CNTN3: variants seen among roughly 807,000 people sequenced by gnomAD.
CNTN3 encodes the protein contactin 3.
Under a neutral mutation model 119.1 loss-of-function variants are expected in CNTN3, and 60 were observed. That is an observed-to-expected ratio of 0.50 (90% CI 0.41 to 0.62). The LOEUF (loss-of-function observed/expected upper bound fraction) is 0.62, where lower values mean the gene tolerates loss of function less well. Among genes scored for constraint, CNTN3 ranks in the 20% least tolerant of loss-of-function variants. The pLI is 0.00. For synonymous variants in CNTN3, 450 were observed against 438.7 expected (o/e 1.03, Z -0.32); for missense variants, 1,101 against 1,242.4 (o/e 0.89, Z 1.71).
chr3:74,525,356 CT>C (rs1470339703), intron 1 of CNTN3, among the ~76,000 whole-genome samples: 2 of 151,764 alleles, frequency 1.3e-5, no homozygotes. Context: ...AATTATGTTG[CT>C]TATTTTTAAT....
At chr3:74,476,111 T>C (rs1347834223) in intron 4 of CNTN3, among the ~76,000 whole-genome samples, 1 of 152,130 alleles carries the variant, frequency 6.6e-6, no homozygotes. Context: ...GTATGAGTTA[T>C]AGTGAGGTTG....
At chr3:74,572,856 G>A (rs1315505572) in intron 1 of CNTN3, among the ~76,000 whole-genome samples, 4 of 152,210 alleles carry the variant, frequency 2.6e-5, no homozygotes, top group African/African-American at 9.6e-5. Flanking sequence ...GTAACTGCCT[G>A]TATTGAAGGA....
At chr3:74,268,017 G>A (rs1367003883) in intron 20 of CNTN3, among the ~76,000 whole-genome samples, 1 of 152,070 alleles carries the variant, frequency 6.6e-6, no homozygotes, top group African/African-American at 2.4e-5. Context: ...ATGAAAAATT[G>A]CAAGAGAGTC....
intron 4 of CNTN3, among the ~76,000 whole-genome samples, chr3:74,434,063 G>C (rs887514875): frequency 1.3e-5 from 2 of 151,990 alleles, no homozygotes; most frequent in African/African-American, 2.4e-5. Context: ...TTAAATTATT[G>C]GTGTCTGCAT....
chr3:74,407,570 G>A (rs1308883707), intron 5 of CNTN3, among the ~76,000 whole-genome samples: 3 of 150,948 alleles, frequency 2.0e-5, no homozygotes, highest in African/African-American at 4.9e-5. Flanking sequence ...ACCGCGCCCG[G>A]CCAAGCCAAA....
In CNTN3 at chr3:74,533,335, A is replaced by C. The variant is rs574285748; in HGVS notation, c.-80-12143T>G. On this transcript the variant is annotated intron_variant, in intron 1 of 22. Coordinates refer to ENST00000263665, the MANE Select transcript of CNTN3 (RefSeq NM_020872.3). ...GCTAAACATACAAGCAAACATGCTC[A>C]AAGCACTCAGACACATTTAGGAGCA... 2.0e-5 allele frequency among the ~76,000 whole-genome samples: 3 copies of C among 152,146 alleles called. 1 individual carries two copies. The South Asian group carries it at 6.2e-4, about 32-fold the overall frequency.
At chr3:74,370,534 T>C (rs1704309402) in intron 6 of CNTN3, among the ~76,000 whole-genome samples, 1 of 152,124 alleles carries the variant, frequency 6.6e-6, no homozygotes, top group South Asian at 2.1e-4. Context: ...ACTTATTAAA[T>C]GGCTCCCTGG....
intron 1 of CNTN3, among the ~76,000 whole-genome samples, chr3:74,549,293 T>C (rs1703956210): frequency 6.6e-6 from 1 of 152,148 alleles, no homozygotes; most frequent in Non-Finnish European, 1.5e-5. Flanking sequence ...CCCTTCGCCC[T>C]TCCGTCACGA....
chr3:74,522,318 T>G (rs1232720910), intron 1 of CNTN3, among the ~76,000 whole-genome samples: 1 of 151,864 alleles, frequency 6.6e-6, no homozygotes, highest in African/African-American at 2.4e-5. Context: ...CATCACTCCC[T>G]CTAGGTCCAC....
intron 5 of CNTN3, among the ~76,000 whole-genome samples, chr3:74,381,119 C>T (rs372174134): frequency 9.3e-5 from 14 of 150,916 alleles, no homozygotes; most frequent in South Asian, 6.3e-4. Context: ...TAAACACACA[C>T]GCACGCACAG....
rs568556055 is a variant in CNTN3, at chr3:74,424,237, G to T, written c.454+608C>A. Reference sequence around the variant, plus strand: ...GGAGATAATAAAATTATTTTCATATGTGCTGAAGTTCATTTTTACTCTGGG... The same window carrying T: ...GGAGATAATAAAATTATTTTCATATTTGCTGAAGTTCATTTTTACTCTGGG... On this transcript the variant is annotated intron_variant, in intron 5 of 22. Coordinates refer to ENST00000263665, the MANE Select transcript of CNTN3 (RefSeq NM_020872.3). Among the ~76,000 whole-genome samples, 6 of 152,102 alleles carry T rather than the reference G, an allele frequency of 3.9e-5. No individual in the cohort carries two copies. The South Asian group carries it at 1.2e-3, about 32-fold the overall frequency.
intron 4 of CNTN3, among the ~76,000 whole-genome samples, chr3:74,449,112 T>C (rs968814362): frequency 6.6e-6 from 1 of 151,996 alleles, no homozygotes; most frequent in Non-Finnish European, 1.5e-5. Context: ...ACTCAGGTCT[T>C]TACAGAAGCC....
At chr3:74,299,065 C>T (rs2323489) in intron 17 of CNTN3, among the ~76,000 whole-genome samples, 11 of 151,834 alleles carry the variant, frequency 7.2e-5, no homozygotes, top group Non-Finnish European at 1.2e-4. Context: ...AAATTACCCA[C>T]GCATGGTGGC....
chr3:74,451,737 A>C (rs895296262), intron 4 of CNTN3, among the ~76,000 whole-genome samples: 16 of 150,818 alleles, frequency 1.1e-4, no homozygotes, highest in African/African-American at 2.7e-4. Flanking sequence ...ACATATGGCT[A>C]GCCAGTTTTC....
chr3:74,550,069 G>A (rs1703968276), intron 1 of CNTN3, among the ~76,000 whole-genome samples: 1 of 152,172 alleles, frequency 6.6e-6, no homozygotes, highest in Non-Finnish European at 1.5e-5. Context: ...GTAGGCACAA[G>A]AGAAATCCAG....
At chr3:74,483,906 T>G (rs529594351) in intron 4 of CNTN3, among the ~76,000 whole-genome samples, 1 of 152,016 alleles carries the variant, frequency 6.6e-6, no homozygotes, top group Non-Finnish European at 1.5e-5. Context: ...CTGCAAGAGG[T>G]GAAAGATAAT....
chr3:74,385,269 T>C (rs923410037), intron 5 of CNTN3, among the ~76,000 whole-genome samples: 7 of 152,212 alleles, frequency 4.6e-5, no homozygotes, highest in African/African-American at 1.7e-4. Context: ...GGGTGCTGGA[T>C]GACCTTTAAT....
At chr3:74,438,497 T>A (rs1174624298) in intron 4 of CNTN3, among the ~76,000 whole-genome samples, 1 of 152,244 alleles carries the variant, frequency 6.6e-6, no homozygotes, top group African/African-American at 2.4e-5. Flanking sequence ...TAGCCACATC[T>A]ATCCAGACTT....
rs556712506 is a variant in CNTN3, at chr3:74,279,762, A to G, written c.2704+5543T>C. Among the ~76,000 whole-genome samples, 145 of 152,040 alleles carry G rather than the reference A, an allele frequency of 9.5e-4. 1 individual carries two copies. The highest frequency in any genetic ancestry group is 1.9e-3 in the Non-Finnish European group (126 of 67,992). ...AAAAAACTTACTCATATAACCAAAA[A>G]CCACCTGTACCCCACTAACCTATGG... On this transcript the variant is annotated intron_variant, in intron 20 of 22. Transcript: ENST00000263665.
Sources: allele counts gnomAD v4.1 joint callset (sites outside exome capture counted in the v4.1 genomes callset), GRCh38; gene constraint gnomAD v4.1.1; transcripts MANE v1.5; gene names NCBI Gene and HGNC (gene_info 2026-07-23, HGNC 2026-07-21).